The following TPD52 variants were observed in gnomAD, a reference collection of about 807,000 sequenced individuals.
The protein encoded by TPD52 is tumor protein D52.
A neutral mutation model predicts 31.3 loss-of-function variants in TPD52; 17 were observed. The ratio of observed to expected loss-of-function variants is 0.54; its 90% CI spans 0.37 to 0.82. The LOEUF (loss-of-function observed/expected upper bound fraction) is 0.82, where lower values mean the gene tolerates loss of function less well. Ranked by LOEUF, TPD52 falls within the 40% of genes least tolerant of loss-of-function variation. The pLI, the probability that TPD52 is intolerant of heterozygous loss-of-function variation, is 0.00. For missense variants in TPD52, 212 were observed against 240.1 expected (o/e 0.88, Z 0.77); for synonymous variants, 83 against 89.6 (o/e 0.93, Z 0.42).
At chr8:80,038,285 G>A (rs746343740) in intron 7 of TPD52, 50 bp from the exon 8 acceptor site, 1 of 1,594,828 alleles carries the variant, frequency 6.3e-7, no homozygotes. Context: ...CATAAAACTA[G>A]CTGATTCTGC....
chr8:80,040,431 C>G (rs372596506), intron 7 of TPD52, among the ~76,000 whole-genome samples: 20 of 152,088 alleles, frequency 1.3e-4, no homozygotes, highest in African/African-American at 4.1e-4. Flanking sequence ...CTCAAGTGAT[C>G]TGCCTGCCTT....
intron 1 of TPD52, chr8:80,158,892 C>G (rs1360534786): frequency 5.2e-5 from 7 of 134,580 alleles, no homozygotes; most frequent in Non-Finnish European, 7.6e-5. Context: ...TGCAGTGAGC[C>G]GAGATCCCGC....
At chr8:80,146,965 A>G (rs1407764942) in intron 1 of TPD52, among the ~76,000 whole-genome samples, 1 of 152,218 alleles carries the variant, frequency 6.6e-6, no homozygotes, top group Non-Finnish European at 1.5e-5. Flanking sequence ...TAAAAATGCA[A>G]ATTCTCAGGC....
chr8:80,060,628 G>A (rs1429776916), intron 2 of TPD52, among the ~76,000 whole-genome samples: 1 of 149,234 alleles, frequency 6.7e-6, no homozygotes, highest in Admixed American at 6.6e-5. Flanking sequence ...ATGACCAAGT[G>A]GAATATATCC....
intron 1 of TPD52, among the ~76,000 whole-genome samples, chr8:80,154,729 A>ATG (rs1810814178): frequency 1.3e-5 from 2 of 149,390 alleles, no homozygotes; most frequent in African/African-American, 4.9e-5. Flanking sequence ...ACACACACAC[A>ATG]CACACACACA....
intron 1 of TPD52, among the ~76,000 whole-genome samples, chr8:80,109,526 C>T (rs1181409664): frequency 6.6e-6 from 1 of 152,156 alleles, no homozygotes. Context: ...CCTGCCTCAA[C>T]CTCCTGAGTA....
At chr8:80,044,565 TC>T (rs1810665324) in intron 5 of TPD52, among the ~76,000 whole-genome samples, 1 of 150,940 alleles carries the variant, frequency 6.6e-6, no homozygotes, top group Admixed American at 6.6e-5. Context: ...GTTTATCGCC[TC>T]CCCTCAAAAA....
In TPD52 at chr8:80,037,820, C is replaced by T. The variant is rs1810014278; in HGVS notation, c.*296G>A. The T allele has an allele frequency of 4.2e-6, 1 of 235,968 alleles. No homozygotes were observed. Among genetic ancestry groups the T allele is most frequent in the South Asian group, 1.6e-4 (1 of 6,278 alleles). 14.6% of individuals were successfully genotyped at this position (235,968 alleles called of 1,614,324 possible). ...GCAATTTTGTAAAGCAGGAAAACAA[C>T]TATGACAATCTGTAGCTTCTTAGAT... is the stretch of plus-strand genomic sequence containing the variant. On this transcript the variant is annotated 3_prime_UTR_variant, in exon 8 of 8. Transcript: ENST00000518937.
intron 1 of TPD52, among the ~76,000 whole-genome samples, chr8:80,106,358 GGTT>G (rs372204860): frequency 1.1e-3 from 167 of 152,064 alleles, no homozygotes; most frequent in South Asian, 7.3e-3. Context: ...TTGTTGTTGT[GGTT>G]GTTGTTGTTA....
chr8:80,125,293 T>G (rs1808524731), intron 1 of TPD52, among the ~76,000 whole-genome samples: 1 of 152,114 alleles, frequency 6.6e-6, no homozygotes, highest in South Asian at 2.1e-4. Flanking sequence ...ACCAAAATAT[T>G]AATAACGAGA....
chr8:80,042,451 A>C, intron 7 of TPD52, 169 bp downstream of exon 7: 1 of 985,486 alleles, frequency 1.0e-6, no homozygotes, highest in Middle Eastern at 5.2e-4. Context: ...CTAAAAAGAT[A>C]TTAAGTACAT....
At chr8:80,138,950 G>T (rs186787229) in intron 1 of TPD52, among the ~76,000 whole-genome samples, 1 of 152,222 alleles carries the variant, frequency 6.6e-6, no homozygotes, top group East Asian at 1.9e-4. Context: ...CAGCCCCTCC[G>T]ACCCAGAGCC....
At chr8:80,073,173 C>T (rs1814127926) in intron 1 of TPD52, among the ~76,000 whole-genome samples, 1 of 152,026 alleles carries the variant, frequency 6.6e-6, no homozygotes, top group African/African-American at 2.4e-5. Context: ...TTTAAATGTA[C>T]CTCCCATACT....
At chr8:80,137,199 G>A (rs190186659) in intron 1 of TPD52, among the ~76,000 whole-genome samples, 131 of 152,294 alleles carry the variant, frequency 8.6e-4, no homozygotes, top group South Asian at 1.2e-3. Flanking sequence ...GTGTTTGCCT[G>A]CGGGCACGGG....
chr8:80,105,724 G>C (rs930998399), intron 1 of TPD52, among the ~76,000 whole-genome samples: 4 of 136,232 alleles, frequency 2.9e-5, no homozygotes, highest in African/African-American at 1.1e-4. Flanking sequence ...CCCATCCCAG[G>C]TCTGCTTTTT....
intron 1 of TPD52, among the ~76,000 whole-genome samples, chr8:80,120,921 A>C (rs531659527): frequency 6.6e-6 from 1 of 152,046 alleles, no homozygotes; most frequent in South Asian, 2.1e-4. Context: ...TCTCTAATAA[A>C]ATTTCAAAAA....
chr8:80,171,065 G>A, intron 1 of TPD52: 1 of 552,514 alleles, frequency 1.8e-6, no homozygotes, highest in Non-Finnish European at 3.3e-6. Flanking sequence ...CCTGGTTCCA[G>A]TCACTTACAG....
intron 1 of TPD52, among the ~76,000 whole-genome samples, chr8:80,081,943 A>G (rs1815334489): frequency 6.6e-6 from 1 of 152,156 alleles, no homozygotes; most frequent in Non-Finnish European, 1.5e-5. Flanking sequence ...AGCTGGGATT[A>G]CAGGCACCCA....
chr8:80,171,511 C>CCGCCG lies in TPD52; in HGVS notation c.-73_-69dup, dbSNP rs1476812310. On this transcript the variant is annotated 5_prime_UTR_variant, in exon 1 of 8. Transcript: ENST00000518937. ...TGCAGCCCGTCCCGGCTCGGATCGC[C>CCGCCG]CGCCGCGCCGCGCAGAGCTCCTCCT... is the stretch of plus-strand genomic sequence containing the variant. The CCGCCG allele has an allele frequency of 1.3e-5, 20 of 1,501,278 alleles. No homozygotes were observed. The East Asian group carries it at 3.6e-4, about 27-fold the overall frequency. The allele number at this position is 1,501,278 out of a possible 1,614,324, so 93.0% of individuals were successfully genotyped here. A position where few individuals can be genotyped will look rare whatever the true frequency, so the allele number is the denominator to read the frequency against.
Sources: allele counts gnomAD v4.1 joint callset (sites outside exome capture counted in the v4.1 genomes callset), GRCh38; gene constraint gnomAD v4.1.1; transcripts MANE v1.5; gene names NCBI Gene and HGNC (gene_info 2026-07-23, HGNC 2026-07-21).